Variants in ALMS1 observed in about 807,000 individuals in gnomAD.
ALMS1 encodes centrosome-associated protein ALMS1.
ALMS1 carries 271 observed loss-of-function variants against 352.2 expected under a neutral mutation model. The ratio of observed to expected loss-of-function variants is 0.77; its 90% CI spans 0.70 to 0.85. ALMS1 has a LOEUF of 0.85. ALMS1 is among the 40% of genes least tolerant of loss of function. ALMS1 has a pLI of 0.00. For missense variants in ALMS1, 5,445 were observed against 4,870.7 expected (o/e 1.12, Z -3.51); for synonymous variants, 1,865 against 1,761.2 (o/e 1.06, Z -1.48).
intron 10 of ALMS1, among the ~76,000 whole-genome samples, chr2:73,508,737 C>A (rs755840731): frequency 2.0e-5 from 3 of 152,098 alleles, no homozygotes; most frequent in African/African-American, 7.2e-5. Flanking sequence ...AGTTCAATTC[C>A]TGAATATCCT....
chr2:73,473,921 AGAG>A (rs1558660214), intron 9 of ALMS1, among the ~76,000 whole-genome samples: 151 of 27,448 alleles, frequency 5.5e-3, no homozygotes, highest in African/African-American at 9.5e-3. Flanking sequence ...CTTAGAGGGA[AGAG>A]AGAGAGAGAG....
chr2:73,599,874 G>A (rs1285152877), intron 17 of ALMS1, among the ~76,000 whole-genome samples: 3 of 152,202 alleles, frequency 2.0e-5, no homozygotes, highest in Non-Finnish European at 4.4e-5. Flanking sequence ...ACTTGCATAT[G>A]TGCAAAATAG....
intron 1 of ALMS1, among the ~76,000 whole-genome samples, chr2:73,387,411 G>A (rs913963817): frequency 9.9e-5 from 15 of 152,190 alleles, no homozygotes; most frequent in Non-Finnish European, 1.9e-4. Context: ...AGATAATCTG[G>A]CCTTGTCAGT....
intron 15 of ALMS1, among the ~76,000 whole-genome samples, chr2:73,566,537 G>A (rs1424264354): frequency 1.3e-5 from 2 of 152,212 alleles, no homozygotes; most frequent in Admixed American, 6.5e-5. Flanking sequence ...ATTGTTTCTG[G>A]AATTTTCCAT....
chr2:73,466,714 A>T (rs1672355600), intron 9 of ALMS1, among the ~76,000 whole-genome samples: 1 of 152,170 alleles, frequency 6.6e-6, no homozygotes. Flanking sequence ...GAAATTTGTG[A>T]TGTAGGAAAT....
intron 9 of ALMS1, chr2:73,469,880 G>A (rs1181092849): frequency 6.6e-6 from 1 of 151,782 alleles, no homozygotes; most frequent in Admixed American, 6.6e-5. Context: ...AAAAAACAAT[G>A]CCTGACTTAG....
intron 9 of ALMS1, among the ~76,000 whole-genome samples, chr2:73,461,441 C>G (rs1234216331): frequency 1.3e-5 from 2 of 152,148 alleles, no homozygotes. Context: ...ACATCCACAC[C>G]AAAAACCCAT....
At chr2:73,586,297 T>C (rs1315058146) in intron 16 of ALMS1, among the ~76,000 whole-genome samples, 2 of 152,184 alleles carry the variant, frequency 1.3e-5, no homozygotes, top group South Asian at 4.1e-4. Flanking sequence ...TACTTTTGGG[T>C]TCTTGGTCGT....
In ALMS1 at chr2:73,448,627, A is replaced by C; in HGVS notation, c.2100A>C (p.Gly700=). The C allele has an allele frequency of 6.2e-7, 1 of 1,613,840 alleles. No homozygotes were observed. Among genetic ancestry groups the C allele is most frequent in the Non-Finnish European group, 8.5e-7 (1 of 1,179,910 alleles). ...DQALKVSAVS[G]PADQKTGTAT... Reference sequence around the variant, plus strand: ...CTCTGAAAGTCTCAGCTGTGTCTGGACCAGCTGACCAGAAGACTGGGACAG... The same window carrying C: ...CTCTGAAAGTCTCAGCTGTGTCTGGCCCAGCTGACCAGAAGACTGGGACAG... The change falls in exon 8 of 23, where the codon GGA becomes GGC. Residue 700 remains glycine (G), a synonymous_variant. Transcript: ENST00000613296.
chr2:73,579,063 C>CTTTTTTTTTTTTTTTCTTTT (rs372240184), intron 16 of ALMS1, among the ~76,000 whole-genome samples: 1 of 119,142 alleles, frequency 8.4e-6, no homozygotes, highest in Non-Finnish European at 1.6e-5. Context: ...CTCCTTTATT[C>CTTTTTTTTTTTTTTTCTTTT]TTTTTTTATT....
intron 7 of ALMS1, among the ~76,000 whole-genome samples, chr2:73,438,769 T>TA (rs1395141282): frequency 6.6e-6 from 1 of 152,202 alleles, no homozygotes. Flanking sequence ...TTTAAATTCT[T>TA]ACTCTGATTT....
intron 16 of ALMS1, among the ~76,000 whole-genome samples, chr2:73,589,044 C>T (rs902382489): frequency 3.3e-5 from 5 of 151,618 alleles, no homozygotes; most frequent in South Asian, 2.1e-4. Context: ...TCAGTATCAC[C>T]GGAACAAAAT....
chr2:73,494,011 C>G (rs1329117776), intron 10 of ALMS1, among the ~76,000 whole-genome samples: 1 of 152,202 alleles, frequency 6.6e-6, no homozygotes, highest in Non-Finnish European at 1.5e-5. Context: ...AATGTGGTCT[C>G]ATCACAGGGC....
Position 73,572,565 on chromosome 2 carries a change from C to G in ALMS1, c.10688C>G (p.Thr3563Ser), listed in dbSNP as rs1303455602. ...NLGNKEVMDT[T>S]KSQVRDYPKH... ...GGAAACAAAGAAGTGATGGATACTA[C>G]TAAAAGTCAAGTTAGAGATTATCCA... Residue 3563 changes from threonine to serine, a missense_variant, in exon 16 of 23, where the codon ACT becomes AGT. Transcript: ENST00000613296. 1.2e-6 allele frequency: 2 copies of G among 1,613,776 alleles called. No individual in the cohort carries two copies. Among genetic ancestry groups the G allele is most frequent in the Admixed American group, 3.3e-5 (2 of 59,978 alleles).
Position 73,424,443 on chromosome 2 carries a change from A to G in ALMS1, c.778A>G (p.Lys260Glu). The change falls in exon 5 of 23, where the codon AAG becomes GAG. Residue 260 changes from lysine (K) to glutamate (E), a missense_variant. Physicochemically the swap from Lys to Glu is moderately conservative, Grantham distance 56. Coordinates refer to ENST00000613296, the MANE Select transcript of ALMS1 (RefSeq NM_001378454.1). ...SFAPLRGIPD[K>E]SEDTEWSSRP... ...ATATATTTTCAGGGGAATTCCTGAT[A>G]AGTCTGAAGATACTGAATGGTCTTC... 1.3e-6 allele frequency: 2 copies of G among 1,558,736 alleles called. No homozygotes were observed. Among genetic ancestry groups the G allele is most frequent in the Non-Finnish European group, 1.7e-6 (2 of 1,155,680 alleles).
intron 1 of ALMS1, among the ~76,000 whole-genome samples, chr2:73,390,902 C>T (rs1281088275): frequency 1.3e-5 from 2 of 152,042 alleles, no homozygotes; most frequent in Non-Finnish European, 2.9e-5. Flanking sequence ...TCCGCAGTAG[C>T]TGGGACTACA....
intron 1 of ALMS1, among the ~76,000 whole-genome samples, chr2:73,404,672 T>C (rs1205528345): frequency 1.3e-5 from 2 of 152,056 alleles, no homozygotes; most frequent in African/African-American, 2.4e-5. Flanking sequence ...TGAATTCTTA[T>C]TGGTAATATT....
At chr2:73,415,837 G>T (rs1671173051) in intron 2 of ALMS1, among the ~76,000 whole-genome samples, 2 of 152,186 alleles carry the variant, frequency 1.3e-5, no homozygotes, top group African/African-American at 4.8e-5. Context: ...AAAGTTAAGG[G>T]TGTTTGCAAG....
rs146946762 is a variant in ALMS1, at chr2:73,416,020, C to T, written c.451-3103C>T. 3.0e-4 allele frequency among the ~76,000 whole-genome samples: 46 copies of T among 152,232 alleles called. No individual in the cohort carries two copies. In the East Asian group the frequency reaches 3.1e-3, roughly 10 times the overall value. On this transcript the variant is annotated intron_variant, in intron 2 of 22. Coordinates refer to ENST00000613296, the MANE Select transcript of ALMS1 (RefSeq NM_001378454.1). ...TGATCTGTGGAGGTCAGAGGATGGA[C>T]AGAAAGACTAATGGATACATCTGTC...
Sources: gnomAD v4.1 joint callset for allele counts (sites outside exome capture counted in the v4.1 genomes callset) on GRCh38, gnomAD v4.1.1 for gene constraint, MANE v1.5 for transcripts, NCBI Gene and HGNC (gene_info 2026-07-23, HGNC 2026-07-21) for gene names.